The following CEP112 variants were observed in gnomAD, a reference collection of about 807,000 sequenced individuals.
CEP112 encodes the protein centrosomal protein of 112 kDa.
A neutral mutation model predicts 153.0 loss-of-function variants in CEP112; 127 were observed. The observed-to-expected ratio is 0.83, with a 90% CI of 0.72 to 0.96. CEP112 has a LOEUF of 0.96. Ranked by LOEUF, CEP112 falls within the 40% of genes least tolerant of loss-of-function variation. CEP112 has a pLI of 0.00. For missense variants in CEP112, 1,089 were observed against 1,101.2 expected, an observed-to-expected ratio of 0.99 and a Z score of 0.16; for synonymous variants, 358 against 374.4, an observed-to-expected ratio of 0.96 and a Z score of 0.51.
At chr17:66,053,605 G>A in intron 12 of CEP112, 131 bp downstream of exon 12, 1 of 835,044 alleles carries the variant, frequency 1.2e-6, no homozygotes, top group Non-Finnish European at 1.8e-6. Flanking sequence ...TCTGTATGGA[G>A]TAGGAAGGTA....
At chr17:66,045,473 C>T (rs1885245121) in intron 12 of CEP112, among the ~76,000 whole-genome samples, 1 of 152,154 alleles carries the variant, frequency 6.6e-6, no homozygotes, top group Admixed American at 6.5e-5. Context: ...CTTTGAAAAG[C>T]TTACTATGGA....
At chr17:65,910,183 T>A (rs1367289761) in intron 19 of CEP112, among the ~76,000 whole-genome samples, 1 of 152,176 alleles carries the variant, frequency 6.6e-6, no homozygotes, top group East Asian at 1.9e-4. Flanking sequence ...TGTTCAGAAC[T>A]GCAACTAAGC....
At chr17:66,066,640 A>T (rs2067131129) in intron 10 of CEP112, 138 bp downstream of exon 10, 1 of 522,580 alleles carries the variant, frequency 1.9e-6, no homozygotes, top group South Asian at 3.3e-5. Context: ...AAGCCTATAT[A>T]AATATATCCA....
intron 6 of CEP112, among the ~76,000 whole-genome samples, chr17:66,122,129 C>T (rs541437950): frequency 6.6e-6 from 1 of 152,210 alleles, no homozygotes; most frequent in Admixed American, 6.5e-5. Context: ...CTCTTGACCT[C>T]GTGATCCGCC....
intron 14 of CEP112, 150 bp downstream of exon 14, chr17:66,028,973 C>G: frequency 1.7e-6 from 1 of 591,296 alleles, no homozygotes; most frequent in South Asian, 2.8e-5. Flanking sequence ...TTTTAAATAC[C>G]AGTAAAAATT....
intron 18 of CEP112, among the ~76,000 whole-genome samples, chr17:65,958,175 C>T (rs2062064097): frequency 6.6e-6 from 1 of 152,056 alleles, no homozygotes; most frequent in African/African-American, 2.4e-5. Context: ...AAGTCTTATG[C>T]TTCATTTCTG....
At chr17:66,121,951 A>G (rs1598394037) in intron 6 of CEP112, among the ~76,000 whole-genome samples, 1 of 151,654 alleles carries the variant, frequency 6.6e-6, no homozygotes, top group African/African-American at 2.4e-5. Context: ...CTGGAGTGCA[A>G]TGGTGCGATC....
At chr17:65,956,311 T>C (rs371533265) in intron 18 of CEP112, among the ~76,000 whole-genome samples, 2 of 152,022 alleles carry the variant, frequency 1.3e-5, no homozygotes, top group East Asian at 1.9e-4. Context: ...TGCATGTTTA[T>C]AGCAGCACAA....
At chr17:65,708,860 C>G (rs971057405) in intron 23 of CEP112, among the ~76,000 whole-genome samples, 3 of 152,168 alleles carry the variant, frequency 2.0e-5, no homozygotes, top group Non-Finnish European at 4.4e-5. Flanking sequence ...GGACTTGAAC[C>G]CCAGTGGGGT....
chr17:65,829,577 G>A (rs1175424531), intron 21 of CEP112, among the ~76,000 whole-genome samples: 1 of 152,152 alleles, frequency 6.6e-6, no homozygotes, highest in African/African-American at 2.4e-5. Flanking sequence ...TTGGTTCTAA[G>A]TGCATAAAAT....
intron 17 of CEP112, among the ~76,000 whole-genome samples, chr17:65,971,225 TTACA>T (rs1316151024): frequency 3.9e-5 from 6 of 152,308 alleles, no homozygotes; most frequent in African/African-American, 9.6e-5. Flanking sequence ...CACATGTATA[TTACA>T]TACGTGCAAA....
chr17:65,770,914 GCA>G (rs1179236072), intron 21 of CEP112, among the ~76,000 whole-genome samples: 1 of 117,354 alleles, frequency 8.5e-6, no homozygotes, highest in African/African-American at 3.5e-5. Context: ...GGGCAACAGA[GCA>G]AGACTCCGTC....
Position 65,899,880 on chromosome 17 carries a change from T to C in CEP112, c.2163+2272A>G, listed in dbSNP as rs192297293. The stretch of plus-strand genomic sequence containing the variant: ...ATTATACAATCTAATATTTAATACG[T>C]TTGTTCTGCATCAAACTACAACACA... On this transcript the variant is annotated intron_variant, in intron 20 of 26. Transcript: ENST00000535342. Among the ~76,000 whole-genome samples, 27 of 152,292 alleles carry C rather than the reference T, an allele frequency of 1.8e-4. No homozygotes were observed. The East Asian group carries it at 3.9e-3, about 22-fold the overall frequency.
intron 4 of CEP112, among the ~76,000 whole-genome samples, chr17:66,151,885 C>G (rs2071225174): frequency 6.6e-6 from 1 of 151,638 alleles, no homozygotes. Context: ...TAAGCCATGT[C>G]CATGAGAAAA....
At chr17:66,027,151 C>T (rs886455804) in intron 16 of CEP112, among the ~76,000 whole-genome samples, 1 of 152,194 alleles carries the variant, frequency 6.6e-6, no homozygotes, top group East Asian at 1.9e-4. Context: ...CCGAGACGGG[C>T]GGATCACTTG....
At position 66,191,183 on chromosome 17, in the gene CEP112, G is replaced by A. The variant is rs1373544628; in HGVS notation, c.-9+814C>T. On this transcript the variant is annotated intron_variant, in intron 1 of 26. Coordinates refer to ENST00000535342, the MANE Select transcript of CEP112 (RefSeq NM_001199165.4). The surrounding 1 kb of genome is among the most constrained non-coding windows in gnomAD (Gnocchi z 4.2). ...AAGGAAGCTGAGGCTTAAGTGAGGT[G>A]AAGTCACTGACCTAGGTTCTTAGTG... 6.6e-6 allele frequency among the ~76,000 whole-genome samples: 1 copy of A among 152,152 alleles called. No homozygotes were observed. The highest frequency in any genetic ancestry group is 2.4e-5 in the African/African-American group (1 of 41,436).
At chr17:65,934,343 T>C (rs2144314219) in intron 18 of CEP112, among the ~76,000 whole-genome samples, 1 of 152,316 alleles carries the variant, frequency 6.6e-6, no homozygotes, top group Non-Finnish European at 1.5e-5. Flanking sequence ...AGATGTTTTA[T>C]GTAAGTTGCA....
chr17:66,073,052 A>G (rs1198595996), intron 8 of CEP112, among the ~76,000 whole-genome samples: 1 of 152,216 alleles, frequency 6.6e-6, no homozygotes, highest in Non-Finnish European at 1.5e-5. Flanking sequence ...CCTGACTTCA[A>G]AAAACATTTA....
intron 4 of CEP112, among the ~76,000 whole-genome samples, chr17:66,153,947 G>C (rs570069031): frequency 6.6e-6 from 1 of 150,474 alleles, no homozygotes; most frequent in Admixed American, 6.6e-5. Context: ...TGGACTGCTT[G>C]AGGTCAGGAG....
Sources: gnomAD v4.1 joint callset for allele counts (sites outside exome capture counted in the v4.1 genomes callset) on GRCh38, gnomAD v4.1.1 for gene constraint, Gnocchi (gnomAD v3.1) non-coding constraint, MANE v1.5 for transcripts, NCBI Gene and HGNC (gene_info 2026-07-23, HGNC 2026-07-21) for gene names.